The following FBXL17 variants were observed in gnomAD, a reference collection of about 807,000 sequenced individuals.
The protein encoded by FBXL17 is F-box/LRR-repeat protein 17.
FBXL17 carries 22 observed loss-of-function variants against 66.2 expected under a neutral mutation model. That is an observed-to-expected ratio of 0.33 (90% CI 0.24 to 0.47). The LOEUF is 0.47. Ranked by LOEUF, FBXL17 falls within the 20% of genes least tolerant of loss-of-function variation. The pLI is 1.00. For synonymous variants in FBXL17, 474 were observed against 400.5 expected (o/e 1.18, Z -2.19); for missense variants, 878 against 948.2 (o/e 0.93, Z 0.97).
chr5:107,923,775 C>T (rs1216103088), intron 7 of FBXL17, among the ~76,000 whole-genome samples: 1 of 152,156 alleles, frequency 6.6e-6, no homozygotes, highest in Non-Finnish European at 1.5e-5. Flanking sequence ...ATTCATTCAA[C>T]ACAAATTTAT....
intron 6 of FBXL17, among the ~76,000 whole-genome samples, chr5:108,100,206 A>G (rs1749547410): frequency 6.6e-6 from 1 of 152,208 alleles, no homozygotes; most frequent in Non-Finnish European, 1.5e-5. Flanking sequence ...AAGATTCTAA[A>G]GTACCTTAGA....
intron 6 of FBXL17, among the ~76,000 whole-genome samples, chr5:108,127,873 CT>C (rs1473376699): frequency 8.5e-5 from 13 of 152,124 alleles, no homozygotes; most frequent in Admixed American, 5.9e-4. Flanking sequence ...TAATAACCCC[CT>C]GGTAGGATTT....
At chr5:108,135,215 T>C (rs1178968446) in intron 6 of FBXL17, among the ~76,000 whole-genome samples, 1 of 152,034 alleles carries the variant, frequency 6.6e-6, no homozygotes, top group African/African-American at 2.4e-5. Flanking sequence ...TAGCATAGAT[T>C]TGGAGAAAAA....
Position 107,933,973 on chromosome 5 carries a change from T to C in FBXL17, c.1823-52794A>G, listed in dbSNP as rs919903676. On this transcript the variant is annotated intron_variant, in intron 7 of 8. Coordinates refer to ENST00000542267, the MANE Select transcript of FBXL17 (RefSeq NM_001163315.3). Reference sequence around the variant, plus strand: ...AGCGAGATGACCATTGTGGCTCCTTTTGAGTATAAGGCATTATTACTGTAC... The same window carrying C: ...AGCGAGATGACCATTGTGGCTCCTTCTGAGTATAAGGCATTATTACTGTAC... Among the ~76,000 whole-genome samples the C allele has an allele frequency of 2.6e-5, 4 of 152,238 alleles. No individual in the cohort carries two copies. The East Asian group carries it at 5.8e-4, about 22-fold the overall frequency.
intron 4 of FBXL17, among the ~76,000 whole-genome samples, chr5:108,233,053 G>A (rs1755438974): frequency 6.6e-6 from 1 of 151,580 alleles, no homozygotes; most frequent in Non-Finnish European, 1.5e-5. Context: ...GAGTAGAACT[G>A]GTGAGTCACA....
At chr5:107,872,448 A>G (rs1182378548) in intron 8 of FBXL17, among the ~76,000 whole-genome samples, 2 of 152,254 alleles carry the variant, frequency 1.3e-5, no homozygotes, top group Non-Finnish European at 2.9e-5. Flanking sequence ...ATTTACTTTT[A>G]GCTGTATAAT....
chr5:108,371,591 C>G (rs2112609541), intron 1 of FBXL17, among the ~76,000 whole-genome samples: 1 of 152,202 alleles, frequency 6.6e-6, no homozygotes, highest in East Asian at 1.9e-4. Flanking sequence ...ATTGGACTTA[C>G]TAGACAAAGA....
intron 7 of FBXL17, among the ~76,000 whole-genome samples, chr5:107,911,163 G>A (rs1480906703): frequency 6.6e-6 from 1 of 152,106 alleles, no homozygotes; most frequent in Non-Finnish European, 1.5e-5. Flanking sequence ...GTAAGTTGCA[G>A]TAGTAACAGT....
intron 1 of FBXL17, among the ~76,000 whole-genome samples, chr5:108,378,042 T>C (rs1749567306): frequency 6.6e-6 from 1 of 152,234 alleles, no homozygotes. Flanking sequence ...GTAATAAGCA[T>C]AAAATAGGAT....
intron 6 of FBXL17, among the ~76,000 whole-genome samples, chr5:108,065,238 C>T (rs953125090): frequency 6.6e-5 from 10 of 152,140 alleles, no homozygotes; most frequent in African/African-American, 1.2e-4. Flanking sequence ...GCATAGCATA[C>T]ATGCTGTTTT....
intron 6 of FBXL17, among the ~76,000 whole-genome samples, chr5:108,158,497 G>T (rs982951094): frequency 1.8e-5 from 2 of 110,404 alleles, no homozygotes; most frequent in Non-Finnish European, 3.8e-5. Context: ...AGTGGGGCGT[G>T]TGTGTGTGTG....
At chr5:108,034,532 T>G (rs1746765756) in intron 6 of FBXL17, among the ~76,000 whole-genome samples, 1 of 151,940 alleles carries the variant, frequency 6.6e-6, no homozygotes, top group Non-Finnish European at 1.5e-5. Flanking sequence ...AGGAATTTCT[T>G]TTTTTTTACT....
intron 6 of FBXL17, among the ~76,000 whole-genome samples, chr5:108,028,667 C>T (rs1373719024): frequency 6.6e-6 from 1 of 152,062 alleles, no homozygotes; most frequent in Non-Finnish European, 1.5e-5. Flanking sequence ...CAACACAGAC[C>T]TCCCATGACC....
rs187338860 is a variant in FBXL17 at position 108,332,170 on chromosome 5, T to C, written c.1506+16229A>G. Among the ~76,000 whole-genome samples, 7 of 152,226 alleles carry C rather than the reference T, an allele frequency of 4.6e-5. No individual in the cohort carries two copies. The East Asian group carries it at 1.4e-3, about 29-fold the overall frequency. On this transcript the variant is annotated intron_variant, in intron 4 of 8. Coordinates refer to ENST00000542267, the MANE Select transcript of FBXL17 (RefSeq NM_001163315.3). Reference sequence around the variant, plus strand: ...CAAGATGAGAGAAGGGAGGAATGCATAGGTAGATGAAAGTTATTGATAATA... The same window carrying C: ...CAAGATGAGAGAAGGGAGGAATGCACAGGTAGATGAAAGTTATTGATAATA...
chr5:108,204,663 A>G (rs1332972316), intron 5 of FBXL17, among the ~76,000 whole-genome samples: 3 of 152,198 alleles, frequency 2.0e-5, no homozygotes, highest in African/African-American at 7.2e-5. Flanking sequence ...CAGGTAGCCT[A>G]TTCAACATAT....
chr5:108,195,774 C>T (rs1302134893), intron 5 of FBXL17, among the ~76,000 whole-genome samples: 1 of 152,086 alleles, frequency 6.6e-6, no homozygotes, highest in Admixed American at 6.6e-5. Flanking sequence ...TTTGGCTATA[C>T]AGTATTTGAA....
chr5:108,127,404 C>T (rs748825279), intron 6 of FBXL17, among the ~76,000 whole-genome samples: 6 of 152,164 alleles, frequency 3.9e-5, no homozygotes, highest in Non-Finnish European at 5.9e-5. Context: ...GGGGCTTATG[C>T]ATTTTTTATT....
intron 5 of FBXL17, among the ~76,000 whole-genome samples, chr5:108,195,685 G>A (rs1195681663): frequency 6.6e-6 from 1 of 152,192 alleles, no homozygotes; most frequent in African/African-American, 2.4e-5. Context: ...GCAGACAGAA[G>A]CTATATTGAA....
intron 7 of FBXL17, among the ~76,000 whole-genome samples, chr5:107,945,305 G>C (rs1241250056): frequency 1.3e-5 from 2 of 152,150 alleles, no homozygotes; most frequent in East Asian, 3.9e-4. Context: ...TGTTATACCT[G>C]ATGGTGAGAG....
Sources: gnomAD v4.1 joint callset for allele counts (sites outside exome capture counted in the v4.1 genomes callset) on GRCh38, gnomAD v4.1.1 for gene constraint, MANE v1.5 for transcripts, NCBI Gene and HGNC (gene_info 2026-07-23, HGNC 2026-07-21) for gene names.